SLC25A21: variants seen among roughly 807,000 people sequenced by gnomAD.
SLC25A21 encodes mitochondrial 2-oxodicarboxylate carrier.
A neutral mutation model predicts 43.8 loss-of-function variants in SLC25A21; 47 were observed. The observed-to-expected ratio is 1.07, with a 90% CI of 0.85 to 1.37. SLC25A21 has a LOEUF of 1.37. SLC25A21 is among the 40% of genes most tolerant of loss of function. The probability of loss-of-function intolerance (pLI) is 0.00; values close to 1 mark genes in which losing one functional copy is unlikely to be tolerated. For synonymous variants in SLC25A21, 131 were observed against 121.3 expected (o/e 1.08, Z -0.52); for missense variants, 352 against 350.2 (o/e 1.00, Z -0.04).
At chr14:37,088,518 C>A (rs534360113) in intron 1 of SLC25A21, among the ~76,000 whole-genome samples, 194 of 152,272 alleles carry the variant, frequency 1.3e-3, no homozygotes, top group Non-Finnish European at 2.4e-3. Flanking sequence ...TGGCCTCCTG[C>A]CACGTATCTA....
At chr14:37,169,775 G>A (rs1017223561) in intron 1 of SLC25A21, among the ~76,000 whole-genome samples, 1 of 151,920 alleles carries the variant, frequency 6.6e-6, no homozygotes, top group Non-Finnish European at 1.5e-5. Flanking sequence ...GTGCAATAAA[G>A]ATAAAGTTTT....
At chr14:36,967,081 TTCC>T (rs569875619) in intron 1 of SLC25A21, among the ~76,000 whole-genome samples, 118 of 152,200 alleles carry the variant, frequency 7.8e-4, no homozygotes, top group Non-Finnish European at 1.3e-3. Flanking sequence ...AACTTGATTT[TTCC>T]TCCTTTTGAA....
chr14:36,994,606 C>T (rs1446953376), intron 1 of SLC25A21, among the ~76,000 whole-genome samples: 2 of 152,104 alleles, frequency 1.3e-5, no homozygotes, highest in Non-Finnish European at 2.9e-5. Flanking sequence ...AGAGTGGGAG[C>T]CTAGGGTTAT....
chr14:36,956,715 A>C (rs1340929972), intron 1 of SLC25A21, among the ~76,000 whole-genome samples: 2 of 152,200 alleles, frequency 1.3e-5, no homozygotes, highest in Non-Finnish European at 2.9e-5. Flanking sequence ...TGCAGAATTA[A>C]CTTACGAATA....
chr14:37,007,600 A>AATAATAATAATAATAATAAT (rs1960634011), intron 1 of SLC25A21, among the ~76,000 whole-genome samples: 3 of 148,046 alleles, frequency 2.0e-5, no homozygotes, highest in African/African-American at 7.6e-5. Context: ...TCCCTCTCAA[A>AATAATAATAATAATAATAAT]AATAATAATA....
intron 3 of SLC25A21, among the ~76,000 whole-genome samples, chr14:36,783,451 C>T (rs1887144723): frequency 6.6e-6 from 1 of 152,078 alleles, no homozygotes; most frequent in Non-Finnish European, 1.5e-5. Flanking sequence ...CTTCCTTGGT[C>T]TCAGCCTCTC....
chr14:36,688,894 C>T (rs1028565944), intron 7 of SLC25A21, among the ~76,000 whole-genome samples: 22 of 152,312 alleles, frequency 1.4e-4, no homozygotes, highest in African/African-American at 4.1e-4. Flanking sequence ...TTTTTTGTTA[C>T]ATCCGAGTGA....
chr14:36,781,754 A>G (rs543273401), intron 3 of SLC25A21, among the ~76,000 whole-genome samples: 1 of 152,332 alleles, frequency 6.6e-6, no homozygotes, highest in East Asian at 1.9e-4. Context: ...CCATTATACT[A>G]GAGTTAAAAG....
chr14:37,137,503 T>C (rs1383335119), intron 1 of SLC25A21, among the ~76,000 whole-genome samples: 1 of 152,212 alleles, frequency 6.6e-6, no homozygotes, highest in East Asian at 1.9e-4. Flanking sequence ...GATTTTCTTA[T>C]AGAATTTTGT....
chr14:37,117,602 T>C (rs1963128621), intron 1 of SLC25A21, among the ~76,000 whole-genome samples: 2 of 152,008 alleles, frequency 1.3e-5, no homozygotes, highest in Non-Finnish European at 2.9e-5. Flanking sequence ...CTAGAGTACG[T>C]TTTTCACTCT....
intron 2 of SLC25A21, among the ~76,000 whole-genome samples, chr14:36,817,229 T>C (rs1327256863): frequency 3.3e-5 from 5 of 151,854 alleles, no homozygotes; most frequent in Non-Finnish European, 7.4e-5. Context: ...AAAAAACCTA[T>C]ATAAGAGGAA....
intron 1 of SLC25A21, among the ~76,000 whole-genome samples, chr14:36,997,928 T>C (rs1566802151): frequency 6.6e-6 from 1 of 152,162 alleles, no homozygotes; most frequent in African/African-American, 2.4e-5. Flanking sequence ...TAGGAGAACG[T>C]GATATCATCG....
intron 1 of SLC25A21, among the ~76,000 whole-genome samples, chr14:36,894,516 T>C (rs952535316): frequency 7.3e-4 from 111 of 152,146 alleles, no homozygotes; most frequent in African/African-American, 2.6e-3. Flanking sequence ...CTTTTCCTAA[T>C]TGAATACCCT....
chr14:36,831,235 A>C (rs2138480510), intron 2 of SLC25A21, among the ~76,000 whole-genome samples: 1 of 152,336 alleles, frequency 6.6e-6, no homozygotes, highest in Admixed American at 6.5e-5. Context: ...ATTTTAATTA[A>C]TTTGATTTAA....
chr14:37,101,119 T>C (rs1164447980), intron 1 of SLC25A21, among the ~76,000 whole-genome samples: 1 of 152,218 alleles, frequency 6.6e-6, no homozygotes, highest in Non-Finnish European at 1.5e-5. Context: ...TAATCCAACT[T>C]TAAAATGCCT....
Position 37,172,566 on chromosome 14 carries a change from G to T in SLC25A21, c.-216C>A. 1.4e-6 allele frequency: 1 copy of T among 705,536 alleles called. No individual in the cohort carries two copies. The highest frequency in any genetic ancestry group is 2.6e-6 in the Non-Finnish European group (1 of 387,556). 43.7% of individuals were successfully genotyped at this position (705,536 alleles called of 1,614,324 possible). On this transcript the variant is annotated 5_prime_UTR_variant, in exon 1 of 10. Coordinates refer to ENST00000331299, the MANE Select transcript of SLC25A21 (RefSeq NM_030631.4). The stretch of plus-strand genomic sequence containing the variant: ...GTCGGAACCTGTTCGCAGCGCTCTC[G>T]CAGAGGCGCCCTCGGCTCCGAAAAT...
rs142016872 is a variant in SLC25A21 at position 37,080,873 on chromosome 14, C to A, written c.70+91408G>T. 6.0e-4 allele frequency among the ~76,000 whole-genome samples: 92 copies of A among 152,214 alleles called. 1 individual carries two copies. Among genetic ancestry groups the A allele is most frequent in the African/African-American group, 2.0e-3 (83 of 41,528 alleles). On this transcript the variant is annotated intron_variant, in intron 1 of 9. Transcript: ENST00000331299. ...CCTAAATTCTTCCCAGATAACAGGA[C>A]GGTGGCAGGGTCAACTTCCAGGCCC...
chr14:36,821,821 A>C (rs559456324), intron 2 of SLC25A21, among the ~76,000 whole-genome samples: 2 of 151,708 alleles, frequency 1.3e-5, no homozygotes, highest in South Asian at 2.1e-4. Flanking sequence ...TGTCTCAAAA[A>C]CAAAACAAAA....
chr14:36,916,801 C>T (rs921622633), intron 1 of SLC25A21, among the ~76,000 whole-genome samples: 2 of 152,124 alleles, frequency 1.3e-5, no homozygotes, highest in African/African-American at 2.4e-5. Flanking sequence ...TGGACAGCTC[C>T]ACCTGGACGT....
Sources: allele counts gnomAD v4.1 joint callset (sites outside exome capture counted in the v4.1 genomes callset), GRCh38; gene constraint gnomAD v4.1.1; transcripts MANE v1.5; gene names NCBI Gene and HGNC (gene_info 2026-07-23, HGNC 2026-07-21).